The following PTN variants were observed in gnomAD, a reference collection of about 807,000 sequenced individuals.
PTN encodes the protein pleiotrophin, also known as heparin affin regulatory protein.
In PTN, 18 loss-of-function variants were observed where a neutral mutation model predicts 24.1. The ratio of observed to expected loss-of-function variants is 0.75; its 90% CI spans 0.52 to 1.11. The LOEUF is 1.11. Among genes scored for constraint, PTN ranks in the 50% least tolerant of loss-of-function variants. PTN has a pLI of 0.00. For missense variants in PTN, 163 were observed against 198.8 expected (o/e 0.82, Z 1.08); for synonymous variants, 78 against 68.6 (o/e 1.14, Z -0.67).
intron 1 of PTN, among the ~76,000 whole-genome samples, chr7:137,298,651 T>G (rs1809757442): frequency 6.6e-6 from 1 of 152,006 alleles, no homozygotes; most frequent in South Asian, 2.1e-4. Context: ...CTATAATTAT[T>G]GTAAAGCAGG....
At chr7:137,301,950 C>T (rs1191387918) in intron 1 of PTN, among the ~76,000 whole-genome samples, 1 of 147,500 alleles carries the variant, frequency 6.8e-6, no homozygotes, top group East Asian at 2.0e-4. Context: ...CTTAAGACTT[C>T]TAGTAACTGA....
intron 1 of PTN, among the ~76,000 whole-genome samples, chr7:137,299,446 T>C (rs1345171236): frequency 6.6e-6 from 1 of 151,952 alleles, no homozygotes; most frequent in Non-Finnish European, 1.5e-5. Context: ...GCCAGGTTCA[T>C]AAGGAACAGA....
rs1050890285 is a variant in PTN at position 137,321,526 on chromosome 7, G to A, written c.-2+21913C>T. Among the ~76,000 whole-genome samples the A allele has an allele frequency of 3.3e-5, 5 of 152,226 alleles. No homozygotes were observed. In the East Asian group the frequency reaches 5.8e-4, roughly 18 times the overall value. On this transcript the variant is annotated intron_variant, in intron 1 of 4. Transcript: ENST00000348225. ...TAATAGTGTTTATCATTGATGCCAC[G>A]TTCTTAGATGGTAGATGCTCAAAGA... is the stretch of plus-strand genomic sequence containing the variant.
At chr7:137,306,296 A>G (rs1809886793) in intron 1 of PTN, among the ~76,000 whole-genome samples, 1 of 152,058 alleles carries the variant, frequency 6.6e-6, no homozygotes, top group African/African-American at 2.4e-5. Context: ...GAAAGCTTTG[A>G]CAGGGTGACA....
intron 1 of PTN, among the ~76,000 whole-genome samples, chr7:137,316,557 G>A (rs1211071874): frequency 6.6e-6 from 1 of 152,140 alleles, no homozygotes; most frequent in Non-Finnish European, 1.5e-5. Flanking sequence ...TTAATAACAG[G>A]GGCCTCATGC....
chr7:137,338,066 G>A (rs1177858789), intron 1 of PTN, among the ~76,000 whole-genome samples: 2 of 152,092 alleles, frequency 1.3e-5, no homozygotes, highest in Non-Finnish European at 2.9e-5. Flanking sequence ...CACTATAAGG[G>A]GTGATGGGGA....
At chr7:137,312,564 A>T (rs1691092129) in intron 1 of PTN, among the ~76,000 whole-genome samples, 1 of 152,220 alleles carries the variant, frequency 6.6e-6, no homozygotes, top group African/African-American at 2.4e-5. Context: ...CTTTTGGAAA[A>T]TTGTTGCCAT....
intron 4 of PTN, among the ~76,000 whole-genome samples, chr7:137,234,003 G>A (rs1808476579): frequency 6.6e-6 from 1 of 150,752 alleles, no homozygotes; most frequent in Admixed American, 6.6e-5. Context: ...CATACATAGA[G>A]AGAGAGAGAT....
intron 1 of PTN, among the ~76,000 whole-genome samples, chr7:137,337,501 CT>C (rs1242122147): frequency 6.6e-6 from 1 of 151,974 alleles, no homozygotes; most frequent in East Asian, 1.9e-4. Context: ...AAAAACAGGC[CT>C]TATAGCTACA....
intron 1 of PTN, among the ~76,000 whole-genome samples, chr7:137,281,138 C>T (rs1385863089): frequency 6.6e-6 from 1 of 151,808 alleles, no homozygotes; most frequent in Non-Finnish European, 1.5e-5. Flanking sequence ...TTAGAACAGC[C>T]TAATAAATAT....
intron 1 of PTN, among the ~76,000 whole-genome samples, chr7:137,256,975 G>A (rs989377115): frequency 6.6e-6 from 1 of 152,144 alleles, no homozygotes; most frequent in African/African-American, 2.4e-5. Context: ...TCTCAAGCCA[G>A]TCAGAATGGC....
rs764590063 is a variant in PTN, at chr7:137,343,563, C to A, written c.-126G>T. 2 of 518,990 alleles carry A rather than the reference C, an allele frequency of 3.9e-6. No individual in the cohort carries two copies. Among genetic ancestry groups the A allele is most frequent in the South Asian group, 2.8e-5 (2 of 71,590 alleles). 32.1% of individuals were successfully genotyped at this position (518,990 alleles called of 1,614,324 possible). Reference sequence around the variant, plus strand: ...GCTTGGGCCGCTGCTGCTCTCCCCGCCTTCTGGACGGATGACTCACTGGTC... The same window carrying A: ...GCTTGGGCCGCTGCTGCTCTCCCCGACTTCTGGACGGATGACTCACTGGTC... On this transcript the variant is annotated 5_prime_UTR_variant, in exon 1 of 5. Coordinates refer to ENST00000348225, the MANE Select transcript of PTN (RefSeq NM_002825.7).
rs745679232 is a variant in PTN at position 137,228,032 on chromosome 7, C to T, written c.495G>A (p.Lys165=). 2 of 1,609,642 alleles carry T rather than the reference C, an allele frequency of 1.2e-6. No homozygotes were observed. Among genetic ancestry groups the T allele is most frequent in the Non-Finnish European group, 1.7e-6 (2 of 1,177,418 alleles). ...KKKKEGKKQE[K]MLD ...CAGGTGACATCTTTTAATCCAGCAT[C>T]TTCTCCTGTTTCTTGCCTTCCTTTT... The change falls in exon 5 of 5, where the codon AAG becomes AAA. Residue 165 remains lysine (K), a synonymous_variant. Coordinates refer to ENST00000348225, the MANE Select transcript of PTN (RefSeq NM_002825.7).
At chr7:137,312,529 T>A (rs1585040276) in intron 1 of PTN, among the ~76,000 whole-genome samples, 1 of 152,250 alleles carries the variant, frequency 6.6e-6, no homozygotes, top group African/African-American at 2.4e-5. Context: ...CTTTCTCAGC[T>A]TTCCAATTCA....
chr7:137,240,128 G>T (rs1368644622), intron 4 of PTN, among the ~76,000 whole-genome samples: 1 of 151,984 alleles, frequency 6.6e-6, no homozygotes, highest in African/African-American at 2.4e-5. Context: ...TCTATCACTT[G>T]GTTCTGTTTA....
chr7:137,320,557 T>C (rs886555763), intron 1 of PTN, among the ~76,000 whole-genome samples: 2 of 152,218 alleles, frequency 1.3e-5, no homozygotes, highest in Non-Finnish European at 2.9e-5. Context: ...AAAGCTATTG[T>C]TGACAGAAAT....
chr7:137,261,545 A>C (rs1366108527), intron 1 of PTN, among the ~76,000 whole-genome samples: 3 of 152,202 alleles, frequency 2.0e-5, no homozygotes, highest in African/African-American at 7.2e-5. Context: ...TACAGGGGCC[A>C]AGGGAAAATT....
At position 137,286,285 on chromosome 7, in the gene PTN, A is replaced by G. The variant is rs114247876; in HGVS notation, c.-1-31311T>C. ...GTACCTTTTATAAGACTATACCTACAAGGTTTGATAGTTGGAAAAATTAGT... is the reference window on the plus strand; with the variant it reads ...GTACCTTTTATAAGACTATACCTACGAGGTTTGATAGTTGGAAAAATTAGT... On this transcript the variant is annotated intron_variant, in intron 1 of 4. Transcript: ENST00000348225. Among the ~76,000 whole-genome samples the G allele has an allele frequency of 3.1e-3, 472 of 152,334 alleles. 4 individuals are homozygous for G. The highest frequency in any genetic ancestry group is 0.011 in the African/African-American group (443 of 41,576).
intron 1 of PTN, among the ~76,000 whole-genome samples, chr7:137,301,349 T>C (rs568701987): frequency 1.4e-4 from 22 of 152,020 alleles, no homozygotes; most frequent in African/African-American, 5.1e-4. Context: ...TCATAGCACC[T>C]GTACCGTAAA....
Sources: gnomAD v4.1 joint callset for allele counts (sites outside exome capture counted in the v4.1 genomes callset) on GRCh38, gnomAD v4.1.1 for gene constraint, MANE v1.5 for transcripts, NCBI Gene and HGNC (gene_info 2026-07-23, HGNC 2026-07-21) for gene names.